MLNR: variants seen among roughly 807,000 people sequenced by gnomAD.
The protein encoded by MLNR is G protein-coupled receptor 38.
MLNR carries 16 observed loss-of-function variants against 20.0 expected under a neutral mutation model. That is an observed-to-expected ratio of 0.80 (90% CI 0.54 to 1.22). The LOEUF is 1.22. MLNR is among the 50% of genes most tolerant of loss of function. The pLI, the probability that MLNR is intolerant of heterozygous loss-of-function variation, is 0.00. For synonymous variants in MLNR, 302 were observed against 287.2 expected, an observed-to-expected ratio of 1.05 and a Z score of -0.52; for missense variants, 630 against 592.3, an observed-to-expected ratio of 1.06 and a Z score of -0.66.
Position 49,220,469 on chromosome 13 carries a change from G to C in MLNR, c.132G>C (p.Val44=). Residue 44 remains valine (V), a synonymous_variant, in exon 1 of 2, where the codon GTG becomes GTC. Coordinates refer to ENST00000218721, the MANE Select transcript of MLNR (RefSeq NM_001507.1). The surrounding 1 kb of genome is among the most constrained non-coding windows in gnomAD (Gnocchi z 4.4). ...PLGALVPVTA[V]CLCLFVVGVS... ...GGGCGCTGGTGCCGGTGACCGCTGTGTGCCTGTGCCTGTTCGTCGTCGGGG... is the reference window on the plus strand; with the variant it reads ...GGGCGCTGGTGCCGGTGACCGCTGTCTGCCTGTGCCTGTTCGTCGTCGGGG... 1 of 1,576,532 alleles carries C rather than the reference G, an allele frequency of 6.3e-7. No homozygotes were observed. The highest frequency in any genetic ancestry group is 1.2e-5 in the South Asian group (1 of 86,670).
chr13:49,220,553 C>T lies in MLNR; in HGVS notation c.216C>T (p.Thr72=), dbSNP rs1336346725. The stretch of plus-strand genomic sequence containing the variant: ...GGCGCTACCGGGACATGCGGACCAC[C>T]ACCAACTTGTACCTGGGCAGCATGG... ...LIGRYRDMRT[T]TNLYLGSMAV... is the part of the protein sequence containing the mutation. The change falls in exon 1 of 2, where the codon ACC becomes ACT. Residue 72 remains threonine, a synonymous_variant. Coordinates refer to ENST00000218721, the MANE Select transcript of MLNR (RefSeq NM_001507.1). The surrounding 1 kb of genome is among the most constrained non-coding windows in gnomAD (Gnocchi z 4.4). 2 of 1,613,094 alleles carry T rather than the reference C, an allele frequency of 1.2e-6. No individual in the cohort carries two copies. Among genetic ancestry groups the T allele is most frequent in the South Asian group, 2.2e-5 (2 of 90,924 alleles).
chr13:49,220,595 C>T lies in MLNR; in HGVS notation c.258C>T (p.Leu86=), dbSNP rs1379839698. Residue 86 remains leucine (L), a synonymous_variant, in exon 1 of 2, where the codon CTC becomes CTT. Transcript: ENST00000218721. The surrounding 1 kb of genome is among the most constrained non-coding windows in gnomAD (Gnocchi z 4.4). ...GCAGCATGGCCGTGTCCGACCTACT[C>T]ATCCTGCTCGGGCTGCCGTTCGACC... The part of the protein sequence containing the change: ...YLGSMAVSDL[L]ILLGLPFDLY... 21 of 1,613,184 alleles carry T rather than the reference C, an allele frequency of 1.3e-5. No individual in the cohort carries two copies. The highest frequency in any genetic ancestry group is 1.4e-5 in the Non-Finnish European group (17 of 1,179,722).
intron 1 of MLNR, 173 bp downstream of exon 1, chr13:49,221,411 A>C: frequency 1.4e-6 from 1 of 705,794 alleles, no homozygotes; most frequent in Non-Finnish European, 2.3e-6. Flanking sequence ...CCCCCGAGAA[A>C]ACCATGTCCT....
In MLNR at chr13:49,221,047, C is replaced by A. The variant is rs960336467; in HGVS notation, c.710C>A (p.Pro237Gln). 1 of 1,570,152 alleles carries A rather than the reference C, an allele frequency of 6.4e-7. No homozygotes were observed. Among genetic ancestry groups the A allele is most frequent in the Admixed American group, 1.8e-5 (1 of 56,610 alleles). ...GCGCTGTTCAGCCGCGAATGCCGGC[C>A]GAGCCCCGCGCAGCTGGGCGCGCTG... ...AAALFSRECRPSPAQLGALRV... is the reference protein window; with the variant it reads ...AAALFSRECRQSPAQLGALRV... Residue 237 changes from proline (P) to glutamine (Q), a missense_variant, in exon 1 of 2, where the codon CCG (proline) becomes CAG (glutamine). By Grantham distance (76) the Pro-to-Gln change is moderately conservative. Transcript: ENST00000218721.
chr13:49,222,368 G>A lies in MLNR; in HGVS notation c.1230G>A (p.Thr410=), dbSNP rs199599111. 20 of 1,610,858 alleles carry A rather than the reference G, an allele frequency of 1.2e-5. No individual in the cohort carries two copies. The highest frequency in any genetic ancestry group is 3.3e-5 in the South Asian group (3 of 90,698). ...GYTETSANVK[T]MG ...CCGAGACAAGCGCTAACGTGAAGACGATGGGATAACCAGCACGGCCAAGCC... is the reference window on the plus strand; with the variant it reads ...CCGAGACAAGCGCTAACGTGAAGACAATGGGATAACCAGCACGGCCAAGCC... Residue 410 remains threonine (T), a synonymous_variant, in exon 2 of 2, where the codon ACG becomes ACA. Coordinates refer to ENST00000218721, the MANE Select transcript of MLNR (RefSeq NM_001507.1).
chr13:49,222,204 A>G lies in MLNR; in HGVS notation c.1066A>G (p.Asn356Asp). 2 of 1,614,092 alleles carry G rather than the reference A, an allele frequency of 1.2e-6. No individual in the cohort carries two copies. Among genetic ancestry groups the G allele is most frequent in the Non-Finnish European group, 1.7e-6 (2 of 1,180,030 alleles). ...CGCATCTATCAACCCAATCCTCTACAACCTCATTTCAAAGAAGTACAGAGC... is the reference window on the plus strand; with the variant it reads ...CGCATCTATCAACCCAATCCTCTACGACCTCATTTCAAAGAAGTACAGAGC... The part of the protein sequence containing the change: ...LSASINPILY[N>D]LISKKYRAAA... The change falls in exon 2 of 2, where the codon AAC becomes GAC. Residue 356 changes from asparagine (N) to aspartate (D), a missense_variant. Transcript: ENST00000218721.
chr13:49,221,045 G>T lies in MLNR; in HGVS notation c.708G>T (p.Arg236=). The part of the protein sequence containing the change: ...EAAALFSREC[R]PSPAQLGALR... ...CGGCGCTGTTCAGCCGCGAATGCCG[G>T]CCGAGCCCCGCGCAGCTGGGCGCGC... The change falls in exon 1 of 2, where the codon CGG becomes CGT. Residue 236 remains arginine, a synonymous_variant. Coordinates refer to ENST00000218721, the MANE Select transcript of MLNR (RefSeq NM_001507.1). 6.4e-7 allele frequency: 1 copy of T among 1,568,990 alleles called. No individual in the cohort carries two copies. Among genetic ancestry groups the T allele is most frequent in the Non-Finnish European group, 8.6e-7 (1 of 1,168,068 alleles).
chr13:49,220,460 G>T lies in MLNR; in HGVS notation c.123G>T (p.Val41=). Residue 41 remains valine, a synonymous_variant, in exon 1 of 2, where the codon GTG becomes GTT. Coordinates refer to ENST00000218721, the MANE Select transcript of MLNR (RefSeq NM_001507.1). The surrounding 1 kb of genome is among the most constrained non-coding windows in gnomAD (Gnocchi z 4.4). The stretch of plus-strand genomic sequence containing the variant: ...TTCCCCTGGGGGCGCTGGTGCCGGT[G>T]ACCGCTGTGTGCCTGTGCCTGTTCG... ...SPFPLGALVP[V]TAVCLCLFVV... 1 of 1,566,242 alleles carries T rather than the reference G, an allele frequency of 6.4e-7. No individual in the cohort carries two copies. Among genetic ancestry groups the T allele is most frequent in the Non-Finnish European group, 8.6e-7 (1 of 1,159,018 alleles).
Position 49,220,417 on chromosome 13 carries a change from A to G in MLNR, c.80A>G (p.Glu27Gly), listed in dbSNP as rs2138168860. The G allele has an allele frequency of 6.5e-7, 1 of 1,528,858 alleles. No homozygotes were observed. 94.7% of individuals were successfully genotyped at this position (1,528,858 alleles called of 1,614,324 possible). ...TGGCCCGCGCTGCCGCCTTGCGACGAGCGCCGCTGCTCGCCCTTTCCCCTG... is the reference window on the plus strand; with the variant it reads ...TGGCCCGCGCTGCCGCCTTGCGACGGGCGCCGCTGCTCGCCCTTTCCCCTG... The part of the protein sequence containing the change: ...PPWPALPPCD[E>G]RRCSPFPLGA... Residue 27 changes from glutamate to glycine, a missense_variant, in exon 1 of 2, where the codon GAG becomes GGG. Physicochemically the swap from Glu to Gly is moderately conservative, Grantham distance 98. Coordinates refer to ENST00000218721, the MANE Select transcript of MLNR (RefSeq NM_001507.1). The surrounding 1 kb of genome is among the most constrained non-coding windows in gnomAD (Gnocchi z 4.4).
intron 1 of MLNR, 148 bp from the exon 2 acceptor site, chr13:49,221,892 T>G: frequency 1.4e-6 from 1 of 705,726 alleles, no homozygotes; most frequent in Non-Finnish European, 2.4e-6. Context: ...CCTGGTCATT[T>G]TTTCTGGGGT....
In MLNR at chr13:49,220,818, GTGCTCTGGGCCGTGGCGC is replaced by G. The variant is rs1407161390; in HGVS notation, c.488_505del (p.Trp163_Leu168del). On this transcript the variant is annotated inframe_deletion, in exon 1 of 2. Coordinates refer to ENST00000218721, the MANE Select transcript of MLNR (RefSeq NM_001507.1). This position sits in a 1 kb window ranked among gnomAD's most constrained non-coding sequence, Gnocchi z 4.4. ...GCGCCGCGTCCGCGCGCTCATCGCT[GTGCTCTGGGCCGTGGCGC>G]TGCTCTCTGCCGGTCCCTTCTTGTT... The G allele has an allele frequency of 1.9e-6, 3 of 1,572,910 alleles. No homozygotes were observed.
chr13:49,221,437 TG>T (rs1436017713), intron 1 of MLNR, 199 bp downstream of exon 1: 2 of 610,204 alleles, frequency 3.3e-6, no homozygotes, highest in Non-Finnish European at 5.6e-6. Context: ...CCAGGAGCTC[TG>T]GGGGACCCCA....
At position 49,221,040 on chromosome 13, in the gene MLNR, T is replaced by C; in HGVS notation, c.703T>C (p.Cys235Arg). 1 of 1,566,548 alleles carries C rather than the reference T, an allele frequency of 6.4e-7. No individual in the cohort carries two copies. The highest frequency in any genetic ancestry group is 8.6e-7 in the Non-Finnish European group (1 of 1,167,092). ...GGCCGCGGCGCTGTTCAGCCGCGAA[T>C]GCCGGCCGAGCCCCGCGCAGCTGGG... ...AEAAALFSRE[C>R]RPSPAQLGAL... The change falls in exon 1 of 2, where the codon TGC (cysteine) becomes CGC (arginine). Residue 235 changes from cysteine (C) to arginine (R), a missense_variant. Physicochemically the swap from Cys to Arg is radical, Grantham distance 180 (BLOSUM62 -3). Coordinates refer to ENST00000218721, the MANE Select transcript of MLNR (RefSeq NM_001507.1).
rs1886989949 is a variant in MLNR at position 49,220,616 on chromosome 13, C to A, written c.279C>A (p.Phe93Leu). 1 of 1,612,318 alleles carries A rather than the reference C, an allele frequency of 6.2e-7. No homozygotes were observed. The highest frequency in any genetic ancestry group is 8.5e-7 in the Non-Finnish European group (1 of 1,179,350). ...TACTCATCCTGCTCGGGCTGCCGTT[C>A]GACCTGTACCGCCTCTGGCGCTCGC... The part of the protein sequence containing the change: ...SDLLILLGLP[F>L]DLYRLWRSRP... Residue 93 changes from phenylalanine (F) to leucine (L), a missense_variant, in exon 1 of 2, where the codon TTC becomes TTA. Coordinates refer to ENST00000218721, the MANE Select transcript of MLNR (RefSeq NM_001507.1). The surrounding 1 kb of genome is among the most constrained non-coding windows in gnomAD (Gnocchi z 4.4).
intron 1 of MLNR, chr13:49,221,476 T>C: frequency 1.8e-6 from 1 of 560,726 alleles, no homozygotes. Context: ...GATCCCCGGA[T>C]CCGATTCAGT....
In MLNR at chr13:49,222,054, GC is replaced by G. The variant is rs1887019567; in HGVS notation, c.917del (p.Ala306AspfsTer3). On this transcript the variant is annotated frameshift_variant, in exon 2 of 2. Coordinates refer to ENST00000218721, the MANE Select transcript of MLNR (RefSeq NM_001507.1). LOFTEE classifies it low-confidence loss of function (END_TRUNC). ...TTATGTTGCAGTGGTGGTGGTTCTG[GC>G]ATTTATAATTTGCTGGTTGCCCTTC... Reference protein sequence around the residue: ...TVRVLLVVVLAFIICWLPFHV... With the variant: ...TVRVLLVVVLXFIICWLPFHV... 2.5e-6 allele frequency: 4 copies of G among 1,613,738 alleles called. No individual in the cohort carries two copies. Among genetic ancestry groups the G allele is most frequent in the Non-Finnish European group, 3.4e-6 (4 of 1,179,780 alleles).
At chr13:49,221,961 G>A (rs1887018052) in intron 1 of MLNR, 79 bp from the exon 2 acceptor site, 4 of 1,292,070 alleles carry the variant, frequency 3.1e-6, no homozygotes, top group Non-Finnish European at 4.4e-6. Flanking sequence ...TGTTATTGCA[G>A]ATGGTTCCTT....
chr13:49,222,240 A>C lies in MLNR; in HGVS notation c.1102A>C (p.Lys368Gln). 1 of 1,614,076 alleles carries C rather than the reference A, an allele frequency of 6.2e-7. No homozygotes were observed. Among genetic ancestry groups the C allele is most frequent in the Non-Finnish European group, 8.5e-7 (1 of 1,180,004 alleles). The change falls in exon 2 of 2, where the codon AAA becomes CAA. Residue 368 changes from lysine (K) to glutamine (Q), a missense_variant. Transcript: ENST00000218721. ...ISKKYRAAAF[K>Q]LLLARKSRPR... ...AAAGAAGTACAGAGCGGCGGCCTTTAAACTGCTGCTCGCAAGGAAGTCCAG... is the reference window on the plus strand; with the variant it reads ...AAAGAAGTACAGAGCGGCGGCCTTTCAACTGCTGCTCGCAAGGAAGTCCAG...
chr13:49,222,010 T>A (rs746472049), intron 1 of MLNR, 30 bp from the exon 2 acceptor site: 1 of 1,586,650 alleles, frequency 6.3e-7, no homozygotes. Context: ...AATGCTTTTG[T>A]TAATCCCGGT....
Sources: allele counts gnomAD v4.1 joint callset, GRCh38; gene constraint gnomAD v4.1.1; non-coding constraint Gnocchi (gnomAD v3.1); transcripts MANE v1.5; gene names NCBI Gene and HGNC (gene_info 2026-07-23, HGNC 2026-07-21).